ANKRD45: variants seen among roughly 807,000 people sequenced by gnomAD.
ANKRD45 encodes the protein ankyrin repeat domain-containing protein 45.
Under a neutral mutation model 28.1 loss-of-function variants are expected in ANKRD45, and 21 were observed. The ratio of observed to expected loss-of-function variants is 0.75; its 90% confidence interval spans 0.53 to 1.08. The LOEUF is 1.08. Ranked by LOEUF, ANKRD45 falls within the 50% of genes least tolerant of loss-of-function variation. ANKRD45 has a pLI of 0.00. For synonymous variants in ANKRD45, 86 were observed against 103.9 expected (o/e 0.83, Z 1.05); for missense variants, 261 against 308.7 (o/e 0.85, Z 1.16).
upstream of ANKRD45, among the ~76,000 whole-genome samples, chr1:173,674,149 A>G (rs1190780693): frequency 1.3e-5 from 2 of 152,086 alleles, no homozygotes; most frequent in Non-Finnish European, 2.9e-5. Context: ...AGCTGGGACT[A>G]CAGGCACCCA....
chr1:173,712,448 T>G, the ANKRD45 span, among the ~76,000 whole-genome samples: 1 of 152,242 alleles, frequency 6.6e-6, no homozygotes, highest in African/African-American at 2.4e-5. Flanking sequence ...TGATAATAGA[T>G]CCTACCTCGA....
At chr1:173,678,833 A>T in the ANKRD45 span, among the ~76,000 whole-genome samples, 1 of 152,228 alleles carries the variant, frequency 6.6e-6, no homozygotes, top group Non-Finnish European at 1.5e-5. Flanking sequence ...AAATCTCCTT[A>T]ACCTGATAAG....
the ANKRD45 span, among the ~76,000 whole-genome samples, chr1:173,691,646 C>T: frequency 6.6e-6 from 1 of 152,028 alleles, no homozygotes; most frequent in Admixed American, 6.6e-5. Context: ...ATTAGCCAGG[C>T]TTGGTGGTGG....
chr1:173,646,775 A>G (rs1668951567), intron 3 of ANKRD45, 71 bp downstream of exon 3: 1 of 1,467,910 alleles, frequency 6.8e-7, no homozygotes, highest in Non-Finnish European at 9.3e-7. Flanking sequence ...AAAAGGTGAC[A>G]TATCCTGTAA....
At chr1:173,705,082 G>C in the ANKRD45 span, among the ~76,000 whole-genome samples, 1 of 152,110 alleles carries the variant, frequency 6.6e-6, no homozygotes, top group Non-Finnish European at 1.5e-5. Context: ...CTCTTTTTCA[G>C]TCAAAGTGCC....
upstream of ANKRD45, among the ~76,000 whole-genome samples, chr1:173,672,474 A>G (rs960022534): frequency 1.3e-5 from 2 of 152,236 alleles, no homozygotes; most frequent in Non-Finnish European, 2.9e-5. Flanking sequence ...TCTGTTTTTC[A>G]TTAATCTTCA....
chr1:173,660,176 TC>T (rs1334840100), intron 1 of ANKRD45, among the ~76,000 whole-genome samples: 3 of 152,092 alleles, frequency 2.0e-5, no homozygotes, highest in African/African-American at 7.2e-5. Flanking sequence ...AACCCAATAA[TC>T]ACACCTATGA....
intron 5 of ANKRD45, 118 bp downstream of exon 5, chr1:173,624,669 A>G: frequency 9.4e-7 from 1 of 1,059,888 alleles, no homozygotes; most frequent in Non-Finnish European, 1.3e-6. Flanking sequence ...TAGTGCTTGT[A>G]ACAATGTTAA....
chr1:173,690,420 CTGACT>C, the ANKRD45 span, among the ~76,000 whole-genome samples: 1 of 152,062 alleles, frequency 6.6e-6, no homozygotes, highest in Non-Finnish European at 1.5e-5. Context: ...GCTGGCTCCT[CTGACT>C]TTTCATTTTG....
intron 1 of ANKRD45, among the ~76,000 whole-genome samples, chr1:173,661,853 T>G (rs1161648886): frequency 6.6e-6 from 1 of 152,112 alleles, no homozygotes. Context: ...AGTGATAATT[T>G]TAGATTGTTA....
At chr1:173,639,579 T>C (rs2102346919) in intron 3 of ANKRD45, among the ~76,000 whole-genome samples, 1 of 152,284 alleles carries the variant, frequency 6.6e-6, no homozygotes, top group East Asian at 1.9e-4. Flanking sequence ...CATGGGTGTA[T>C]AGGAATTTAT....
At chr1:173,671,529 G>A (rs1670257406), upstream of ANKRD45, among the ~76,000 whole-genome samples, 1 of 152,088 alleles carries the variant, frequency 6.6e-6, no homozygotes, top group Non-Finnish European at 1.5e-5. Context: ...CATCCCAAGA[G>A]AAGAATCAGG....
At chr1:173,638,331 G>T (rs769452719) in intron 3 of ANKRD45, among the ~76,000 whole-genome samples, 1 of 152,122 alleles carries the variant, frequency 6.6e-6, no homozygotes, top group African/African-American at 2.4e-5. Context: ...GAGCCTTGCC[G>T]GGAAAAGAAT....
intron 1 of ANKRD45, among the ~76,000 whole-genome samples, chr1:173,662,777 G>T (rs1669835215): frequency 6.6e-6 from 1 of 152,044 alleles, no homozygotes; most frequent in African/African-American, 2.4e-5. Context: ...TATCTCAAAG[G>T]CCAGACTGTA....
At chr1:173,695,680 T>A in the ANKRD45 span, among the ~76,000 whole-genome samples, 1 of 152,190 alleles carries the variant, frequency 6.6e-6, no homozygotes, top group Non-Finnish European at 1.5e-5. Flanking sequence ...GTGTGTGTCT[T>A]TTTGGCAGAA....
the ANKRD45 span, among the ~76,000 whole-genome samples, chr1:173,712,970 A>G: frequency 6.6e-6 from 1 of 152,220 alleles, no homozygotes; most frequent in South Asian, 2.1e-4. Flanking sequence ...GGTCCAGGAC[A>G]ACACTTTGAG....
chr1:173,707,391 G>T, the ANKRD45 span, among the ~76,000 whole-genome samples: 1 of 151,628 alleles, frequency 6.6e-6, no homozygotes, highest in Middle Eastern at 3.4e-3. Context: ...GAAGTGCAGT[G>T]GTGCGATCTC....
At chr1:173,617,026 G>A (rs1667493032) in intron 5 of ANKRD45, among the ~76,000 whole-genome samples, 1 of 151,986 alleles carries the variant, frequency 6.6e-6, no homozygotes, top group African/African-American at 2.4e-5. Flanking sequence ...AGTAAAGTGA[G>A]AAACCACACT....
At chr1:173,636,506 T>A (rs1280056506) in intron 3 of ANKRD45, among the ~76,000 whole-genome samples, 1 of 152,204 alleles carries the variant, frequency 6.6e-6, no homozygotes, top group Non-Finnish European at 1.5e-5. Context: ...TGTTATACCT[T>A]GAGGTTCTTT....
Sources: gnomAD v4.1 joint callset for allele counts (sites outside exome capture counted in the v4.1 genomes callset) on GRCh38, gnomAD v4.1.1 for gene constraint, MANE v1.5 for transcripts, NCBI Gene and HGNC (gene_info 2026-07-23, HGNC 2026-07-21) for gene names.